The following EBF1 variants were observed in gnomAD, a reference collection of about 807,000 sequenced individuals.
EBF1 encodes transcription factor COE1.
EBF1 carries 10 observed loss-of-function variants against 68.4 expected under a neutral mutation model. The ratio of observed to expected loss-of-function variants is 0.15; its 90% CI spans 0.09 to 0.25. The LOEUF (loss-of-function observed/expected upper bound fraction) is 0.25, where lower values mean the gene tolerates loss of function less well. Among genes scored for constraint, EBF1 ranks in the 10% least tolerant of loss-of-function variants. The pLI is 1.00. For missense variants in EBF1, 509 were observed against 794.4 expected, an observed-to-expected ratio of 0.64 and a Z score of 4.32; for synonymous variants, 298 against 299.8, an observed-to-expected ratio of 0.99 and a Z score of 0.06.
At chr5:158,781,519 A>G (rs1407407216) in intron 9 of EBF1, among the ~76,000 whole-genome samples, 7 of 152,096 alleles carry the variant, frequency 4.6e-5, no homozygotes, top group Admixed American at 1.3e-4. Context: ...TCCCCAAATA[A>G]GTCTTCTTGC....
At chr5:159,087,451 T>TACAC (rs144132427) in intron 4 of EBF1, among the ~76,000 whole-genome samples, 4 of 148,730 alleles carry the variant, frequency 2.7e-5, no homozygotes, top group Non-Finnish European at 5.9e-5. Flanking sequence ...CATATATATA[T>TACAC]ACACACACAC....
At chr5:158,875,862 C>A (rs1442793408) in intron 6 of EBF1, among the ~76,000 whole-genome samples, 1 of 152,206 alleles carries the variant, frequency 6.6e-6, no homozygotes, top group East Asian at 1.9e-4. Context: ...TCAATTTTAG[C>A]ATAATTCACT....
intron 8 of EBF1, among the ~76,000 whole-genome samples, chr5:158,817,948 A>T (rs886091104): frequency 6.6e-6 from 1 of 152,216 alleles, no homozygotes. Flanking sequence ...CTATTAGAAA[A>T]TGCCAGTGGA....
At position 158,794,229 on chromosome 5, in the gene EBF1, G is replaced by A. The variant is rs113877627; in HGVS notation, c.909+2116C>T. ...CTGACCCCTGGGACAGAGTGAAGAG[G>A]GGCTCCTGGCACACACAAGGCAGTG... On this transcript the variant is annotated intron_variant, in intron 9 of 15. Coordinates refer to ENST00000313708, the MANE Select transcript of EBF1 (RefSeq NM_024007.5). Among the ~76,000 whole-genome samples, 1,177 of 152,248 alleles carry A rather than the reference G, an allele frequency of 7.7e-3. 21 individuals carry two copies. The highest frequency in any genetic ancestry group is 0.027 in the African/African-American group (1,128 of 41,524).
rs151047384 is a variant in EBF1, at chr5:158,699,921, C to T, written c.1745-779G>A. Among the ~76,000 whole-genome samples the T allele has an allele frequency of 4.9e-4, 74 of 152,278 alleles. No homozygotes were observed. In the Middle Eastern group the frequency reaches 0.01, roughly 21 times the overall value. On this transcript the variant is annotated intron_variant, in intron 15 of 15. Coordinates refer to ENST00000313708, the MANE Select transcript of EBF1 (RefSeq NM_024007.5). Reference sequence around the variant, plus strand: ...TTGAAAGCATTCAAAGCTAGGAGGTCGCAGATAGTGGTATTTAGAGAACAC... The same window carrying T: ...TTGAAAGCATTCAAAGCTAGGAGGTTGCAGATAGTGGTATTTAGAGAACAC...
At chr5:158,741,058 T>C (rs965953789) in intron 10 of EBF1, among the ~76,000 whole-genome samples, 3 of 152,128 alleles carry the variant, frequency 2.0e-5, no homozygotes, top group Non-Finnish European at 4.4e-5. Context: ...TATAAAGAAA[T>C]GGACAAAAAA....
chr5:159,067,097 G>A (rs1008044750), intron 6 of EBF1, among the ~76,000 whole-genome samples: 6 of 152,096 alleles, frequency 3.9e-5, no homozygotes, highest in African/African-American at 9.7e-5. Flanking sequence ...TGGCAGGAGA[G>A]GGAAATGAGG....
At chr5:159,068,544 C>A (rs1018478023) in intron 6 of EBF1, among the ~76,000 whole-genome samples, 1 of 152,126 alleles carries the variant, frequency 6.6e-6, no homozygotes, top group African/African-American at 2.4e-5. Flanking sequence ...GGCAACACTG[C>A]ACTTTTCTGA....
At chr5:158,869,545 CT>C (rs569644227) in intron 6 of EBF1, among the ~76,000 whole-genome samples, 1 of 151,006 alleles carries the variant, frequency 6.6e-6, no homozygotes, top group Non-Finnish European at 1.5e-5. Flanking sequence ...GTAGTGTTCT[CT>C]TTTTTTTCCC....
chr5:159,056,846 C>T (rs1393952877), intron 6 of EBF1, among the ~76,000 whole-genome samples: 1 of 152,140 alleles, frequency 6.6e-6, no homozygotes, highest in African/African-American at 2.4e-5. Context: ...GAGACAACTG[C>T]TCATGGTAAG....
At chr5:159,002,104 C>A (rs187431204) in intron 6 of EBF1, among the ~76,000 whole-genome samples, 143 of 150,976 alleles carry the variant, frequency 9.5e-4, no homozygotes, top group Admixed American at 3.5e-3. Flanking sequence ...TAGGGAAAGA[C>A]AACAGCCCAG....
At chr5:159,046,298 A>C (rs1288734726) in intron 6 of EBF1, among the ~76,000 whole-genome samples, 1 of 152,210 alleles carries the variant, frequency 6.6e-6, no homozygotes, top group Non-Finnish European at 1.5e-5. Context: ...GCATATGAGC[A>C]ATAGCATCTC....
rs996955238 is a variant in EBF1 at position 158,696,558 on chromosome 5, C to T, written c.*2553G>A. ...TAACTTGTGTACATCTTCAGGCCAGCGCTTACCACGCAAATTCAGATAACC... is the reference window on the plus strand; with the variant it reads ...TAACTTGTGTACATCTTCAGGCCAGTGCTTACCACGCAAATTCAGATAACC... On this transcript the variant is annotated 3_prime_UTR_variant, in exon 16 of 16. Transcript: ENST00000313708. 5.4e-5 allele frequency: 12 copies of T among 223,534 alleles called. No homozygotes were observed. Among genetic ancestry groups the T allele is most frequent in the Middle Eastern group, 1.4e-3 (1 of 736 alleles). The allele number at this position is 223,534 out of a possible 1,614,324, so 13.8% of individuals were successfully genotyped here.
intron 6 of EBF1, among the ~76,000 whole-genome samples, chr5:158,960,064 C>G (rs1236757660): frequency 6.6e-6 from 1 of 152,038 alleles, no homozygotes; most frequent in Admixed American, 6.5e-5. Context: ...CAGAGAAGCC[C>G]CTTTAAATTG....
chr5:158,742,980 A>G (rs1388081396), intron 10 of EBF1, among the ~76,000 whole-genome samples: 1 of 152,244 alleles, frequency 6.6e-6, no homozygotes, highest in African/African-American at 2.4e-5. Context: ...AGATGAAAAG[A>G]AAAAGATGTA....
chr5:159,089,376 C>T (rs897068184), intron 4 of EBF1, among the ~76,000 whole-genome samples: 7 of 152,068 alleles, frequency 4.6e-5, no homozygotes, highest in Non-Finnish European at 8.8e-5. Flanking sequence ...TATACAAAAA[C>T]CTGCCTGAGT....
intron 6 of EBF1, among the ~76,000 whole-genome samples, chr5:158,881,814 G>A (rs933531274): frequency 2.0e-5 from 3 of 152,162 alleles, no homozygotes; most frequent in Non-Finnish European, 4.4e-5. Flanking sequence ...GGGAGGACTG[G>A]AAGGTTACAC....
At position 158,726,169 on chromosome 5, in the gene EBF1, T is replaced by TA. The variant is rs1447279709; in HGVS notation, c.1125+4899dup. ...TACTTTTTTTATGTTTCATAAAGGA[T>TA]AAAAAATGCTTTGAGCCATGTCTAC... On this transcript the variant is annotated intron_variant, in intron 11 of 15. Transcript: ENST00000313708. Among the ~76,000 whole-genome samples the TA allele has an allele frequency of 3.9e-5, 6 of 152,200 alleles. No individual in the cohort carries two copies. In the East Asian group the frequency reaches 1.2e-3, roughly 29 times the overall value.
At chr5:159,042,199 C>G (rs1420247678) in intron 6 of EBF1, among the ~76,000 whole-genome samples, 1 of 152,160 alleles carries the variant, frequency 6.6e-6, no homozygotes, top group East Asian at 1.9e-4. Flanking sequence ...ATCCTGGTCC[C>G]TGCCTGCATC....
Sources: allele counts gnomAD v4.1 joint callset (sites outside exome capture counted in the v4.1 genomes callset), GRCh38; gene constraint gnomAD v4.1.1; transcripts MANE v1.5; gene names NCBI Gene and HGNC (gene_info 2026-07-23, HGNC 2026-07-21).